DENND5B: variants seen among roughly 807,000 people sequenced by gnomAD.
DENND5B encodes the protein DENN domain-containing protein 5B.
In DENND5B, 34 loss-of-function variants were observed where a neutral mutation model predicts 140.6. The observed-to-expected ratio is 0.24, with a 90% CI of 0.18 to 0.32. The LOEUF is 0.32. Ranked by LOEUF, DENND5B falls within the 10% of genes least tolerant of loss-of-function variation. The pLI is 1.00. For synonymous variants in DENND5B, 551 were observed against 562.1 expected (o/e 0.98, Z 0.28); for missense variants, 1,142 against 1,560.2 (o/e 0.73, Z 4.52).
chr12:31,525,248 T>C (rs771817152), intron 1 of DENND5B, among the ~76,000 whole-genome samples: 6 of 152,216 alleles, frequency 3.9e-5, no homozygotes, highest in Non-Finnish European at 7.3e-5. Context: ...TGAATGTTCA[T>C]AGCAGCATTA....
chr12:31,454,944 A>G (rs2617195), intron 4 of DENND5B, among the ~76,000 whole-genome samples: 123,187 of 150,620 alleles, frequency 0.82, 50,616 homozygotes, highest in African/African-American at 0.89. Context: ...TCAGCCTCCC[A>G]AGTAGCTGGG....
intron 13 of DENND5B, among the ~76,000 whole-genome samples, chr12:31,412,884 T>C (rs150772513): frequency 6.6e-6 from 1 of 152,202 alleles, no homozygotes; most frequent in Non-Finnish European, 1.5e-5. Context: ...TGTCAGCTTG[T>C]GTGAACTAGC....
At chr12:31,394,612 G>GAT (rs779392043) in intron 17 of DENND5B, among the ~76,000 whole-genome samples, 26,696 of 119,358 alleles carry the variant, frequency 0.22, 2,848 homozygotes, top group Non-Finnish European at 0.28. Flanking sequence ...GTTACCCTGT[G>GAT]CTCTTTTTTT....
intron 5 of DENND5B, 190 bp downstream of exon 5, chr12:31,451,749 TA>T: frequency 3.3e-6 from 2 of 606,626 alleles, no homozygotes; most frequent in Non-Finnish European, 5.5e-6. Context: ...TTATTTTATC[TA>T]ATGTAAAAAT....
chr12:31,565,522 C>T (rs1186244555), intron 1 of DENND5B, among the ~76,000 whole-genome samples: 1 of 152,176 alleles, frequency 6.6e-6, no homozygotes, highest in African/African-American at 2.4e-5. Context: ...CTGTAATTTT[C>T]ATGCATAAAA....
chr12:31,461,753 A>G (rs965120543), intron 3 of DENND5B, among the ~76,000 whole-genome samples: 1 of 152,156 alleles, frequency 6.6e-6, no homozygotes, highest in African/African-American at 2.4e-5. Flanking sequence ...AATTTTTTGG[A>G]TTTGTAGAAT....
At chr12:31,577,212 A>C (rs964320509) in intron 1 of DENND5B, among the ~76,000 whole-genome samples, 1 of 152,162 alleles carries the variant, frequency 6.6e-6, no homozygotes, top group African/African-American at 2.4e-5. Context: ...ACTATAGGAT[A>C]ATTTCCTGTT....
chr12:31,408,624 CAAAAAAAAAAAA>C (rs33965275), intron 14 of DENND5B, among the ~76,000 whole-genome samples: 9 of 71,962 alleles, frequency 1.3e-4, no homozygotes, highest in South Asian at 6.4e-4. Flanking sequence ...GAGACTCTAT[CAAAAAAAAAAAA>C]AAAAAAAAAA....
intron 1 of DENND5B, among the ~76,000 whole-genome samples, chr12:31,506,797 A>AG (rs1251816245): frequency 1.6e-4 from 25 of 152,220 alleles, no homozygotes; most frequent in Non-Finnish European, 1.2e-4. Flanking sequence ...GATCAAGGAG[A>AG]GAATGCAGAG....
In DENND5B at chr12:31,463,072, G is replaced by A. The variant is rs148219037; in HGVS notation, c.905-2691C>T. 3.7e-3 allele frequency among the ~76,000 whole-genome samples: 565 copies of A among 152,234 alleles called. 6 individuals carry two copies. In the East Asian group the frequency reaches 0.043, roughly 12 times the overall value. ...GAGGCCAGGAGTTCAAGACTAGCCCGCCCATCATGGCAAAACCCTGTCTCT... is the reference window on the plus strand; with the variant it reads ...GAGGCCAGGAGTTCAAGACTAGCCCACCCATCATGGCAAAACCCTGTCTCT... On this transcript the variant is annotated intron_variant, in intron 3 of 20. Transcript: ENST00000389082.
intron 5 of DENND5B, among the ~76,000 whole-genome samples, chr12:31,449,053 T>C (rs983400225): frequency 1.3e-5 from 2 of 152,232 alleles, no homozygotes; most frequent in Non-Finnish European, 2.9e-5. Context: ...ACAGGGATTC[T>C]ACATTCAATG....
chr12:31,511,121 C>T (rs1255144826), intron 1 of DENND5B, among the ~76,000 whole-genome samples: 4 of 152,116 alleles, frequency 2.6e-5, no homozygotes, highest in African/African-American at 9.7e-5. Context: ...AGCCTGTAGT[C>T]CCAGCTACTC....
intron 1 of DENND5B, among the ~76,000 whole-genome samples, chr12:31,504,994 T>C (rs184370094): frequency 2.6e-5 from 4 of 152,290 alleles, no homozygotes; most frequent in Admixed American, 2.6e-4. Flanking sequence ...TTGGCCTACA[T>C]TACACTAAAC....
At position 31,383,680 on chromosome 12, in the gene DENND5B, G is replaced by A. The variant is rs986337597; in HGVS notation, c.*3923C>T. The A allele has an allele frequency of 3.3e-5, 5 of 151,988 alleles. No individual in the cohort carries two copies. Among genetic ancestry groups the A allele is most frequent in the Non-Finnish European group, 5.9e-5 (4 of 67,998 alleles). The allele number at this position is 151,988 out of a possible 1,614,324, so 9.4% of individuals were successfully genotyped here. A position where few individuals can be genotyped will look rare whatever the true frequency, so the allele number is the denominator to read the frequency against. The stretch of plus-strand genomic sequence containing the variant: ...TCCTCAGTAGCCTGCTTTTTCCCAC[G>A]TAGGACTCCACTTTATACTACTTCA... On this transcript the variant is annotated 3_prime_UTR_variant, in exon 21 of 21. Transcript: ENST00000389082.
chr12:31,585,636 C>T (rs1950370816), intron 1 of DENND5B, among the ~76,000 whole-genome samples: 1 of 152,198 alleles, frequency 6.6e-6, no homozygotes, highest in Admixed American at 6.5e-5. Context: ...CCCTTAATCT[C>T]TGAGCCTCAG....
intron 1 of DENND5B, among the ~76,000 whole-genome samples, chr12:31,549,664 T>G (rs1239198510): frequency 6.6e-6 from 1 of 152,132 alleles, no homozygotes; most frequent in East Asian, 1.9e-4. Context: ...AAGCCCAGTA[T>G]GCACTAAATA....
intron 20 of DENND5B, 105 bp downstream of exon 20, chr12:31,389,219 A>G (rs777463579): frequency 4.6e-6 from 5 of 1,091,002 alleles, no homozygotes; most frequent in Non-Finnish European, 5.0e-6. Context: ...AAAAGGAAAG[A>G]AACCCAAAGG....
chr12:31,473,798 A>T (rs1259235), intron 3 of DENND5B, among the ~76,000 whole-genome samples: 120,360 of 152,160 alleles, frequency 0.79, 47,982 homozygotes, highest in African/African-American at 0.88. Flanking sequence ...CCCAAAAGAG[A>T]TCCCTATTGA....
intron 1 of DENND5B, among the ~76,000 whole-genome samples, chr12:31,504,765 G>A (rs1591942644): frequency 6.6e-6 from 1 of 152,134 alleles, no homozygotes; most frequent in South Asian, 2.1e-4. Flanking sequence ...GAGCCTAGAA[G>A]TTTTAAAGAA....
Sources: allele counts gnomAD v4.1 joint callset (sites outside exome capture counted in the v4.1 genomes callset), GRCh38; gene constraint gnomAD v4.1.1; transcripts MANE v1.5; gene names NCBI Gene and HGNC (gene_info 2026-07-23, HGNC 2026-07-21).